Variants in PLCXD3 observed in about 807,000 individuals in gnomAD.
PLCXD3 encodes phosphatidylinositol specific phospholipase C X domain containing 3.
Under a neutral mutation model 25.5 loss-of-function variants are expected in PLCXD3, and 19 were observed. The observed-to-expected ratio is 0.75, with a 90% CI of 0.52 to 1.09. The LOEUF (loss-of-function observed/expected upper bound fraction) is 1.09. PLCXD3 is among the 50% of genes least tolerant of loss of function. PLCXD3 has a pLI of 0.00. For missense variants in PLCXD3, 411 were observed against 388.1 expected (o/e 1.06, Z -0.50); for synonymous variants, 174 against 137.6 (o/e 1.26, Z -1.85).
intron 1 of PLCXD3, among the ~76,000 whole-genome samples, chr5:41,403,361 G>A (rs1580353736): frequency 9.1e-6 from 1 of 109,922 alleles, no homozygotes; most frequent in Non-Finnish European, 1.9e-5. Flanking sequence ...ATAACACTAA[G>A]AATACCCATA....
At chr5:41,397,380 T>A (rs1746040153) in intron 1 of PLCXD3, among the ~76,000 whole-genome samples, 2 of 152,178 alleles carry the variant, frequency 1.3e-5, no homozygotes, top group South Asian at 4.1e-4. Flanking sequence ...CCTTGGTGGC[T>A]TCCACATGGT....
intron 1 of PLCXD3, among the ~76,000 whole-genome samples, chr5:41,394,113 A>G (rs1417114436): frequency 6.6e-6 from 1 of 152,186 alleles, no homozygotes; most frequent in Non-Finnish European, 1.5e-5. Context: ...ATAATAAAAT[A>G]TAAATAGAAA....
intron 1 of PLCXD3, among the ~76,000 whole-genome samples, chr5:41,412,341 ATG>A (rs1159025884): frequency 4.6e-5 from 1 of 21,846 alleles, no homozygotes; most frequent in Non-Finnish European, 1.2e-4. Flanking sequence ...CTTTATAAGT[ATG>A]TGTTTCGAGT....
At chr5:41,460,333 A>G (rs1747847177) in intron 1 of PLCXD3, among the ~76,000 whole-genome samples, 1 of 151,976 alleles carries the variant, frequency 6.6e-6, no homozygotes. Flanking sequence ...GCATGTATAA[A>G]CAGAGGTGCT....
chr5:41,494,514 A>C (rs1435436924), intron 1 of PLCXD3, among the ~76,000 whole-genome samples: 1 of 152,164 alleles, frequency 6.6e-6, no homozygotes, highest in African/African-American at 2.4e-5. Flanking sequence ...TCACTCCTAG[A>C]TTTTGGGCTT....
chr5:41,384,946 TA>T (rs1454951734), intron 1 of PLCXD3, among the ~76,000 whole-genome samples: 4 of 152,086 alleles, frequency 2.6e-5, no homozygotes, highest in African/African-American at 9.7e-5. Context: ...CTGTAAATAT[TA>T]TTAGACAAGA....
rs1743189288 is a variant in PLCXD3 at position 41,313,247 on chromosome 5, G to A, written c.*370C>T. On this transcript the variant is annotated 3_prime_UTR_variant, in exon 3 of 3. Coordinates refer to ENST00000377801, the MANE Select transcript of PLCXD3 (RefSeq NM_001005473.3). ...CTGATTAAAAAGAGCGAGCAAGAGA[G>A]GGAGCAGAAAGGTTGCAGGGTATAG... 1 of 180,364 alleles carries A rather than the reference G, an allele frequency of 5.5e-6. No individual in the cohort carries two copies. Among genetic ancestry groups the A allele is most frequent in the African/African-American group, 2.4e-5 (1 of 41,782 alleles). 11.2% of individuals were successfully genotyped at this position (180,364 alleles called of 1,614,324 possible). A position where few individuals can be genotyped will look rare whatever the true frequency, so the allele number is the denominator to read the frequency against.
At chr5:41,499,631 G>T (rs1561291681) in intron 1 of PLCXD3, among the ~76,000 whole-genome samples, 1 of 151,634 alleles carries the variant, frequency 6.6e-6, no homozygotes, top group Non-Finnish European at 1.5e-5. Context: ...CACAGAAAGA[G>T]AAAAAATAAT....
At chr5:41,473,926 C>G (rs1748227007) in intron 1 of PLCXD3, among the ~76,000 whole-genome samples, 1 of 152,192 alleles carries the variant, frequency 6.6e-6, no homozygotes, top group Admixed American at 6.5e-5. Flanking sequence ...AGGCCCCTTC[C>G]TCTTTTTAAA....
At position 41,443,043 on chromosome 5, in the gene PLCXD3, C is replaced by A. The variant is rs1381347765; in HGVS notation, c.104-60509G>T. ...GTCCATATATATGTATTATTGTATA[C>A]ATATATAATAATAATATATAATTAT... On this transcript the variant is annotated intron_variant, in intron 1 of 2. Transcript: ENST00000377801. Among the ~76,000 whole-genome samples the A allele has an allele frequency of 4.7e-5, 7 of 148,432 alleles. No individual in the cohort carries two copies. The Admixed American group carries it at 4.7e-4, about 10-fold the overall frequency.
At chr5:41,477,935 A>G (rs1212802009) in intron 1 of PLCXD3, among the ~76,000 whole-genome samples, 3 of 152,234 alleles carry the variant, frequency 2.0e-5, no homozygotes, top group Admixed American at 6.5e-5. Flanking sequence ...AAGTCACTCA[A>G]GACTCTGCCA....
intron 1 of PLCXD3, among the ~76,000 whole-genome samples, chr5:41,453,722 C>T (rs1477708738): frequency 6.6e-6 from 1 of 151,978 alleles, no homozygotes; most frequent in Non-Finnish European, 1.5e-5. Context: ...TAAGCTTTCT[C>T]TGCCTAGGGT....
chr5:41,457,863 C>G (rs1195131939), intron 1 of PLCXD3, among the ~76,000 whole-genome samples: 1 of 151,830 alleles, frequency 6.6e-6, no homozygotes, highest in Non-Finnish European at 1.5e-5. Flanking sequence ...TGTGTTTCAG[C>G]TCACTCTCCA....
intron 2 of PLCXD3, among the ~76,000 whole-genome samples, chr5:41,329,265 A>T (rs1453997214): frequency 1.3e-5 from 2 of 152,184 alleles, no homozygotes; most frequent in Non-Finnish European, 2.9e-5. Flanking sequence ...TTTAAATGTC[A>T]CTTCTTCGAA....
At chr5:41,454,489 C>A (rs1175792072) in intron 1 of PLCXD3, among the ~76,000 whole-genome samples, 1 of 151,950 alleles carries the variant, frequency 6.6e-6, no homozygotes, top group Non-Finnish European at 1.5e-5. Flanking sequence ...GTGCTAATCC[C>A]ATTCTTGTGG....
intron 2 of PLCXD3, among the ~76,000 whole-genome samples, chr5:41,324,383 G>A (rs1743561501): frequency 1.3e-5 from 2 of 152,042 alleles, no homozygotes; most frequent in African/African-American, 4.8e-5. Flanking sequence ...CTAATCCCCG[G>A]CTAGTACCTT....
At chr5:41,496,359 C>T (rs921538152) in intron 1 of PLCXD3, among the ~76,000 whole-genome samples, 11 of 152,000 alleles carry the variant, frequency 7.2e-5, no homozygotes, top group African/African-American at 2.4e-4. Flanking sequence ...CTTTCAGATT[C>T]AAGAAGCCCA....
chr5:41,313,799 C>T (rs896914705), intron 2 of PLCXD3, 29 bp from the exon 3 acceptor site: 13 of 1,549,556 alleles, frequency 8.4e-6, no homozygotes, highest in Middle Eastern at 1.7e-4. Flanking sequence ...AGAAAAGTCA[C>T]AGAAGGCAAG....
intron 2 of PLCXD3, among the ~76,000 whole-genome samples, chr5:41,380,153 T>C (rs1041805091): frequency 1.5e-4 from 23 of 151,976 alleles, no homozygotes; most frequent in African/African-American, 5.6e-4. Flanking sequence ...TTACTCATGC[T>C]TTAAATTCAG....
Sources: gnomAD v4.1 joint callset for allele counts (sites outside exome capture counted in the v4.1 genomes callset) on GRCh38, gnomAD v4.1.1 for gene constraint, MANE v1.5 for transcripts, NCBI Gene and HGNC (gene_info 2026-07-23, HGNC 2026-07-21) for gene names.